EPM2A: variants seen among roughly 807,000 people sequenced by gnomAD.
The protein encoded by EPM2A is EPM2A glucan phosphatase, laforin.
In EPM2A, 21 loss-of-function variants were observed where a neutral mutation model predicts 26.5. That is an observed-to-expected ratio of 0.79 (90% CI 0.56 to 1.14). The LOEUF (loss-of-function observed/expected upper bound fraction) is 1.14. EPM2A is among the 50% of genes most tolerant of loss of function. The probability of loss-of-function intolerance (pLI) is 0.00; values close to 1 mark genes in which losing one functional copy is unlikely to be tolerated. For missense variants in EPM2A, 458 were observed against 440.8 expected, an observed-to-expected ratio of 1.04 and a Z score of -0.35; for synonymous variants, 217 against 177.6, an observed-to-expected ratio of 1.22 and a Z score of -1.76.
intron 2 of EPM2A, among the ~76,000 whole-genome samples, chr6:145,674,204 C>A (rs1296663913): frequency 5.3e-5 from 8 of 152,082 alleles, no homozygotes; most frequent in African/African-American, 1.9e-4. Context: ...AGCTGAGGGA[C>A]CTAACTGTTA....
At chr6:145,628,202 G>A (rs1221861296) in intron 3 of EPM2A, 1 of 164,994 alleles carries the variant, frequency 6.1e-6, no homozygotes, top group East Asian at 1.7e-4. Context: ...ATTTTCATTT[G>A]TTCAATGGAA....
chr6:145,552,736 T>A (rs1409562162), intron 2 of EPM2A, among the ~76,000 whole-genome samples: 2 of 152,064 alleles, frequency 1.3e-5, no homozygotes, highest in Non-Finnish European at 2.9e-5. Context: ...AGGCTAAAGC[T>A]AAAATACTTC....
chr6:145,627,743 A>G, intron 3 of EPM2A, 50 bp from the exon 4 acceptor site: 2 of 1,597,698 alleles, frequency 1.3e-6, no homozygotes, highest in Non-Finnish European at 1.7e-6. Flanking sequence ...ACCACCAGAT[A>G]CCGCCGCTGA....
chr6:145,660,386 G>A (rs1414330074), intron 2 of EPM2A, among the ~76,000 whole-genome samples: 1 of 151,940 alleles, frequency 6.6e-6, no homozygotes, highest in Non-Finnish European at 1.5e-5. Context: ...ATACAATACT[G>A]GGAACAATAA....
At chr6:145,564,774 G>C (rs1001692970) in intron 2 of EPM2A, among the ~76,000 whole-genome samples, 4 of 46,730 alleles carry the variant, frequency 8.6e-5, no homozygotes, top group East Asian at 9.8e-4. Context: ...GGTATATGGT[G>C]GGGGGGGGCA....
In EPM2A at chr6:145,625,803, C is replaced by T. The variant is rs1433126549; in HGVS notation, c.*1613G>A. On this transcript the variant is annotated 3_prime_UTR_variant, in exon 4 of 4. Transcript: ENST00000367519. ...TCCTCTGAGCTCCACTGAAACTTAC[C>T]TTGTATCCTTCTTGTCCCCCACGCC... 1.6e-5 allele frequency: 25 copies of T among 1,525,144 alleles called. No homozygotes were observed. Among genetic ancestry groups the T allele is most frequent in the Non-Finnish European group, 2.0e-5 (22 of 1,115,706 alleles). 94.5% of individuals were successfully genotyped at this position (1,525,144 alleles called of 1,614,324 possible).
At chr6:145,566,260 G>A (rs1780882673) in intron 2 of EPM2A, among the ~76,000 whole-genome samples, 2 of 152,152 alleles carry the variant, frequency 1.3e-5, no homozygotes, top group African/African-American at 4.8e-5. Flanking sequence ...AAACTTGAGG[G>A]ATTTGGACCA....
At position 145,724,283 on chromosome 6, in the gene EPM2A, A is replaced by T. The variant is rs559383268; in HGVS notation, c.301+10915T>A. On this transcript the variant is annotated intron_variant, in intron 1 of 3. Coordinates refer to ENST00000367519, the MANE Select transcript of EPM2A (RefSeq NM_005670.4). ...ATACAAAAGTTAATTTATTTCCTAGATATCAGCAAAGAACAACTGAAATTT... is the reference window on the plus strand; with the variant it reads ...ATACAAAAGTTAATTTATTTCCTAGTTATCAGCAAAGAACAACTGAAATTT... Among the ~76,000 whole-genome samples, 5 of 152,278 alleles carry T rather than the reference A, an allele frequency of 3.3e-5. No individual in the cohort carries two copies. The East Asian group carries it at 9.6e-4, about 29-fold the overall frequency.
intron 2 of EPM2A, among the ~76,000 whole-genome samples, chr6:145,582,335 C>A (rs1279529550): frequency 1.3e-5 from 2 of 151,936 alleles, no homozygotes; most frequent in Non-Finnish European, 2.9e-5. Flanking sequence ...TTTAAATTTG[C>A]TGAGAATTGT....
chr6:145,443,365 G>A (rs1331042563), intron 4 of EPM2A, among the ~76,000 whole-genome samples: 2 of 152,156 alleles, frequency 1.3e-5, no homozygotes, highest in Non-Finnish European at 2.9e-5. Context: ...TCCAAGAGCA[G>A]GGAAGTTTCT....
intron 2 of EPM2A, among the ~76,000 whole-genome samples, chr6:145,650,492 C>T (rs1562443137): frequency 6.6e-6 from 1 of 151,216 alleles, no homozygotes; most frequent in African/African-American, 2.4e-5. Flanking sequence ...GTAGAGGTTG[C>T]AGTGAGCAGA....
chr6:145,496,847 C>T (rs1280639515), downstream of EPM2A, among the ~76,000 whole-genome samples: 1 of 151,250 alleles, frequency 6.6e-6, no homozygotes, highest in Non-Finnish European at 1.5e-5. Flanking sequence ...ACGCCATTCT[C>T]CTGCCTCAGC....
chr6:145,424,458 T>C (rs1778827327), intron 4 of EPM2A, among the ~76,000 whole-genome samples: 1 of 152,210 alleles, frequency 6.6e-6, no homozygotes, highest in Non-Finnish European at 1.5e-5. Context: ...ACGAAGCTTA[T>C]AGAGGTGTAG....
intron 1 of EPM2A, among the ~76,000 whole-genome samples, chr6:145,702,463 T>A (rs886752279): frequency 6.9e-6 from 1 of 144,628 alleles, no homozygotes; most frequent in African/African-American, 2.9e-5. Flanking sequence ...TGTTTTCTTA[T>A]TTGCAAAAAG....
intron 4 of EPM2A, among the ~76,000 whole-genome samples, chr6:145,471,926 C>T (rs1413892577): frequency 6.6e-6 from 1 of 151,580 alleles, no homozygotes; most frequent in Non-Finnish European, 1.5e-5. Context: ...GGGGTGGCTC[C>T]AGGAGTGCTG....
At chr6:145,709,190 T>C (rs768659879) in intron 1 of EPM2A, among the ~76,000 whole-genome samples, 6 of 152,168 alleles carry the variant, frequency 3.9e-5, no homozygotes, top group Non-Finnish European at 7.3e-5. Flanking sequence ...GAGTTAATAT[T>C]AAAATGAGTT....
chr6:145,685,293 C>G (rs1780826850), intron 2 of EPM2A, among the ~76,000 whole-genome samples: 1 of 152,054 alleles, frequency 6.6e-6, no homozygotes, highest in Admixed American at 6.6e-5. Flanking sequence ...TCTACTCTTA[C>G]AATGTAGGAA....
At chr6:145,500,240 C>G (rs1171250917), downstream of EPM2A, among the ~76,000 whole-genome samples, 1 of 152,164 alleles carries the variant, frequency 6.6e-6, no homozygotes, top group African/African-American at 2.4e-5. Flanking sequence ...TTCATCAAAT[C>G]TATTTGAGTG....
intron 4 of EPM2A, among the ~76,000 whole-genome samples, chr6:145,466,791 C>A (rs1779402419): frequency 6.6e-6 from 1 of 152,140 alleles, no homozygotes; most frequent in South Asian, 2.1e-4. Flanking sequence ...GGCATATATA[C>A]ACCATGGAAT....
Sources: gnomAD v4.1 joint callset for allele counts (sites outside exome capture counted in the v4.1 genomes callset) on GRCh38, gnomAD v4.1.1 for gene constraint, MANE v1.5 for transcripts, NCBI Gene and HGNC (gene_info 2026-07-23, HGNC 2026-07-21) for gene names.